The following STARD13 variants were observed in gnomAD, a reference collection of about 807,000 sequenced individuals.
STARD13 encodes the protein stAR-related lipid transfer protein 13.
A neutral mutation model predicts 106.4 loss-of-function variants in STARD13; 62 were observed. The observed-to-expected ratio is 0.58, with a 90% CI of 0.48 to 0.72. STARD13 has a LOEUF of 0.72. Ranked by LOEUF, STARD13 falls within the 30% of genes least tolerant of loss-of-function variation. The pLI is 0.00. For synonymous variants in STARD13, 565 were observed against 553.0 expected, an observed-to-expected ratio of 1.02 and a Z score of -0.31; for missense variants, 1,387 against 1,424.0, an observed-to-expected ratio of 0.97 and a Z score of 0.42.
intron 1 of STARD13, among the ~76,000 whole-genome samples, chr13:33,181,777 T>C (rs996900733): frequency 2.6e-5 from 4 of 152,366 alleles, no homozygotes; most frequent in Admixed American, 1.3e-4. Context: ...CATTTGACAT[T>C]GTCCTGGCAC....
At chr13:33,115,255 G>T (rs988399309) in intron 8 of STARD13, among the ~76,000 whole-genome samples, 1 of 152,204 alleles carries the variant, frequency 6.6e-6, no homozygotes, top group African/African-American at 2.4e-5. Flanking sequence ...CTGGAGAAAT[G>T]GAGGAGGAAC....
At chr13:33,520,076 CGGAGT>C in the STARD13 span, 1 of 152,064 alleles carries the variant, frequency 6.6e-6, no homozygotes, top group Admixed American at 6.6e-5. Flanking sequence ...CCCAGGTCTG[CGGAGT>C]GGAGAATTTA....
chr13:33,525,577 A>G, the STARD13 span, among the ~76,000 whole-genome samples: 1 of 152,124 alleles, frequency 6.6e-6, no homozygotes, highest in Non-Finnish European at 1.5e-5. Flanking sequence ...AGTTGGATGA[A>G]TTTTTATCAA....
the STARD13 span, among the ~76,000 whole-genome samples, chr13:33,600,040 T>G: frequency 6.6e-6 from 1 of 152,344 alleles, no homozygotes; most frequent in East Asian, 1.9e-4. Flanking sequence ...AGGGAACCCA[T>G]CTGACTTTAT....
chr13:33,317,025 T>C (rs1271979279), intron 1 of STARD13, among the ~76,000 whole-genome samples: 1 of 152,218 alleles, frequency 6.6e-6, no homozygotes, highest in Non-Finnish European at 1.5e-5. Context: ...TTTCCTGCCA[T>C]CTCAGTCTCC....
the STARD13 span, among the ~76,000 whole-genome samples, chr13:33,507,436 T>C: frequency 6.6e-6 from 1 of 152,200 alleles, no homozygotes; most frequent in Non-Finnish European, 1.5e-5. Context: ...TCTGATTCAA[T>C]GTTTAATAAA....
chr13:33,111,722 G>A (rs369417422), intron 10 of STARD13, 56 bp downstream of exon 10: 37 of 1,029,818 alleles, frequency 3.6e-5, no homozygotes, highest in Middle Eastern at 4.3e-4. Flanking sequence ...AATCCCAAGC[G>A]TCTTATCTAG....
chr13:33,373,164 T>C, the STARD13 span, among the ~76,000 whole-genome samples: 1 of 152,148 alleles, frequency 6.6e-6, no homozygotes, highest in Non-Finnish European at 1.5e-5. Flanking sequence ...AGCCTCCCTG[T>C]GTAAGTGTTA....
chr13:33,286,991 T>C (rs1274298807), upstream of STARD13, among the ~76,000 whole-genome samples: 1 of 152,140 alleles, frequency 6.6e-6, no homozygotes, highest in Non-Finnish European at 1.5e-5. Context: ...CATTGTTTGA[T>C]GTGAAGAGAA....
intron 3 of STARD13, among the ~76,000 whole-genome samples, chr13:33,149,793 AG>A (rs1881029905): frequency 6.6e-6 from 1 of 152,242 alleles, no homozygotes; most frequent in Non-Finnish European, 1.5e-5. Flanking sequence ...CTCAAGTAAA[AG>A]AATATGTCAC....
the STARD13 span, among the ~76,000 whole-genome samples, chr13:33,471,718 T>A: frequency 6.6e-6 from 1 of 151,644 alleles, no homozygotes; most frequent in African/African-American, 2.4e-5. Flanking sequence ...GACAAACATA[T>A]TTTTATTTTT....
chr13:33,350,740 G>A, upstream of STARD13: 1 of 898,134 alleles, frequency 1.1e-6, no homozygotes. Context: ...CCTCCCCCTG[G>A]CTGCCTCGCG....
At chr13:33,474,288 A>G in the STARD13 span, among the ~76,000 whole-genome samples, 275 of 152,264 alleles carry the variant, frequency 1.8e-3, no homozygotes, top group African/African-American at 6.4e-3. Context: ...TGCCCTTTAA[A>G]AATCAAACTG....
chr13:33,155,755 C>G (rs976130307), intron 3 of STARD13: 1 of 152,176 alleles, frequency 6.6e-6, no homozygotes, highest in African/African-American at 2.4e-5. Context: ...TCCCCAAACT[C>G]TATAGACTAG....
chr13:33,110,677 T>A lies in STARD13; in HGVS notation c.2829+9A>T, dbSNP rs761723191. The A allele has an allele frequency of 6.2e-7, 1 of 1,606,452 alleles. No homozygotes were observed. The highest frequency in any genetic ancestry group is 8.5e-7 in the Non-Finnish European group (1 of 1,173,052). On this transcript the variant is annotated intron_variant, in intron 11 of 13. Coordinates refer to ENST00000336934, the MANE Select transcript of STARD13 (RefSeq NM_178006.4). The stretch of plus-strand genomic sequence containing the variant: ...CTGGGGGTGATCTTTTTCCATCCTC[T>A]GAGATTACCTTTTTGAAAGCAAGAT...
At chr13:33,314,800 T>C (rs955787502) in intron 1 of STARD13, among the ~76,000 whole-genome samples, 5 of 152,190 alleles carry the variant, frequency 3.3e-5, no homozygotes, top group East Asian at 1.9e-4. Flanking sequence ...CTAGCTTGCA[T>C]TGGTGCTTTA....
the STARD13 span, among the ~76,000 whole-genome samples, chr13:33,660,632 G>A: frequency 6.6e-6 from 1 of 152,202 alleles, no homozygotes; most frequent in Admixed American, 6.5e-5. Context: ...TGCCCAGGCT[G>A]GAGTGAAGTG....
At chr13:33,378,971 G>T in the STARD13 span, among the ~76,000 whole-genome samples, 4 of 152,014 alleles carry the variant, frequency 2.6e-5, no homozygotes, top group Non-Finnish European at 5.9e-5. Flanking sequence ...TTAGCCAGGT[G>T]TGATGGCATT....
the STARD13 span, among the ~76,000 whole-genome samples, chr13:33,487,080 A>G: frequency 5.3e-5 from 8 of 152,330 alleles, no homozygotes; most frequent in East Asian, 3.9e-4. Flanking sequence ...CCCAAGCTCT[A>G]TGACCTTGGG....
Sources: gnomAD v4.1 joint callset for allele counts (sites outside exome capture counted in the v4.1 genomes callset) on GRCh38, gnomAD v4.1.1 for gene constraint, MANE v1.5 for transcripts, NCBI Gene and HGNC (gene_info 2026-07-23, HGNC 2026-07-21) for gene names.